The following STK33 variants were observed in gnomAD, a reference collection of about 807,000 sequenced individuals.
STK33 encodes serine/threonine-protein kinase 33.
STK33 carries 52 observed loss-of-function variants against 58.0 expected under a neutral mutation model. The ratio of observed to expected loss-of-function variants is 0.90; its 90% CI spans 0.72 to 1.13. The LOEUF (loss-of-function observed/expected upper bound fraction) is 1.13, where lower values mean the gene tolerates loss of function less well. Among genes scored for constraint, STK33 ranks in the 50% most tolerant of loss-of-function variants. The pLI, the probability that STK33 is intolerant of heterozygous loss-of-function variation, is 0.00. For synonymous variants in STK33, 215 were observed against 200.1 expected, an observed-to-expected ratio of 1.07 and a Z score of -0.63; for missense variants, 630 against 604.2, an observed-to-expected ratio of 1.04 and a Z score of -0.45.
At chr11:8,433,564 G>A (rs1943667893) in intron 14 of STK33, among the ~76,000 whole-genome samples, 1 of 152,064 alleles carries the variant, frequency 6.6e-6, no homozygotes, top group Admixed American at 6.6e-5. Flanking sequence ...CCACTTGGAT[G>A]CCACATAAGC....
At chr11:8,355,962 C>A in the STK33 span, among the ~76,000 whole-genome samples, 1 of 152,156 alleles carries the variant, frequency 6.6e-6, no homozygotes, top group Non-Finnish European at 1.5e-5. Flanking sequence ...AGGCTGCAGA[C>A]CTGACAAATG....
At chr11:8,350,333 G>C in the STK33 span, among the ~76,000 whole-genome samples, 1,667 of 152,314 alleles carry the variant, frequency 0.011, 16 homozygotes, top group Non-Finnish European at 0.019. Flanking sequence ...GAGAAATTGA[G>C]GGGAGAGCAA....
chr11:8,519,971 A>G (rs1317827517), intron 1 of STK33, among the ~76,000 whole-genome samples: 1 of 152,116 alleles, frequency 6.6e-6, no homozygotes, highest in Non-Finnish European at 1.5e-5. Context: ...GAAAAAGAGA[A>G]AATCCTCCCT....
At chr11:8,539,702 A>G (rs1422925616) in intron 1 of STK33, among the ~76,000 whole-genome samples, 1 of 152,206 alleles carries the variant, frequency 6.6e-6, no homozygotes, top group Non-Finnish European at 1.5e-5. Context: ...CTGATGCAAT[A>G]ATTACTTGGC....
At chr11:8,510,264 A>G (rs562791262) in intron 1 of STK33, among the ~76,000 whole-genome samples, 9 of 152,192 alleles carry the variant, frequency 5.9e-5, no homozygotes, top group Admixed American at 1.3e-4. Flanking sequence ...GATGTTGAGC[A>G]TTTTTCATAA....
chr11:8,488,048 A>T (rs966786549), intron 1 of STK33, among the ~76,000 whole-genome samples: 4 of 152,174 alleles, frequency 2.6e-5, no homozygotes, highest in African/African-American at 9.7e-5. Context: ...GGAGAAAGGA[A>T]AATGGAGCTA....
At chr11:8,404,882 T>C (rs1938813353) in intron 15 of STK33, among the ~76,000 whole-genome samples, 1 of 152,232 alleles carries the variant, frequency 6.6e-6, no homozygotes. Context: ...GGCTCACGCC[T>C]GTAATCCCAG....
intron 15 of STK33, among the ~76,000 whole-genome samples, chr11:8,408,681 A>G (rs1034199930): frequency 1.3e-5 from 2 of 152,216 alleles, no homozygotes; most frequent in East Asian, 1.9e-4. Context: ...CCCAGGTTCA[A>G]TGAGTCACTG....
the STK33 span, among the ~76,000 whole-genome samples, chr11:8,361,024 G>T: frequency 6.6e-6 from 1 of 152,304 alleles, no homozygotes; most frequent in South Asian, 2.1e-4. The surrounding 1 kb of genome is among the most constrained non-coding windows in gnomAD (Gnocchi z 4.8). Context: ...ATCTTGGGGG[G>T]TCACCTTTAC....
intron 14 of STK33, among the ~76,000 whole-genome samples, chr11:8,422,240 T>A (rs1195295954): frequency 6.6e-6 from 1 of 152,156 alleles, no homozygotes; most frequent in Admixed American, 6.5e-5. Context: ...TTTCCTTTAA[T>A]ATATTAATGT....
chr11:8,559,197 G>C (rs1956964044), intron 1 of STK33, among the ~76,000 whole-genome samples: 1 of 152,094 alleles, frequency 6.6e-6, no homozygotes, highest in African/African-American at 2.4e-5. Flanking sequence ...AGGAATACAG[G>C]ATCTTCTCCT....
At chr11:8,482,896 A>AT (rs1250862664) in intron 1 of STK33, among the ~76,000 whole-genome samples, 1 of 151,238 alleles carries the variant, frequency 6.6e-6, no homozygotes, top group African/African-American at 2.4e-5. Context: ...CGCCCAGCTA[A>AT]TTTTTTTGTA....
chr11:8,482,078 C>T (rs530282354), intron 1 of STK33, among the ~76,000 whole-genome samples: 1 of 152,264 alleles, frequency 6.6e-6, no homozygotes, highest in East Asian at 1.9e-4. Context: ...CACGTAATTT[C>T]AAGTAAGAAT....
At chr11:8,586,405 A>C (rs960009283) in intron 1 of STK33, among the ~76,000 whole-genome samples, 1 of 151,954 alleles carries the variant, frequency 6.6e-6, no homozygotes, top group Non-Finnish European at 1.5e-5. Flanking sequence ...CTTCTGCCTC[A>C]GCTTCCTCTT....
At chr11:8,559,595 T>C (rs1419297084) in intron 1 of STK33, among the ~76,000 whole-genome samples, 2 of 152,242 alleles carry the variant, frequency 1.3e-5, no homozygotes, top group African/African-American at 4.8e-5. Flanking sequence ...TTTGTTTTAC[T>C]ATTCTACCCC....
intron 15 of STK33, 104 bp from the exon 16 acceptor site, chr11:8,392,814 C>T: frequency 8.9e-7 from 1 of 1,122,446 alleles, no homozygotes; most frequent in Non-Finnish European, 1.3e-6. Context: ...AGTTGGAGCC[C>T]TCTCTAGATA....
At chr11:8,334,869 T>C in the STK33 span, among the ~76,000 whole-genome samples, 6 of 152,100 alleles carry the variant, frequency 3.9e-5, no homozygotes, top group Admixed American at 3.3e-4. Flanking sequence ...ACACACTCCT[T>C]CAATGTGTAG....
At chr11:8,426,512 A>C (rs1942784249) in intron 14 of STK33, among the ~76,000 whole-genome samples, 1 of 152,170 alleles carries the variant, frequency 6.6e-6, no homozygotes, top group African/African-American at 2.4e-5. Flanking sequence ...AGCCCTAGCC[A>C]GGGACTATGC....
chr11:8,377,349 T>A, the STK33 span, among the ~76,000 whole-genome samples: 1 of 152,148 alleles, frequency 6.6e-6, no homozygotes, highest in Non-Finnish European at 1.5e-5. Flanking sequence ...ATATATCATA[T>A]AAACATAATT....
Sources: gnomAD v4.1 joint callset for allele counts (sites outside exome capture counted in the v4.1 genomes callset) on GRCh38, gnomAD v4.1.1 for gene constraint, Gnocchi (gnomAD v3.1) non-coding constraint, MANE v1.5 for transcripts, NCBI Gene and HGNC (gene_info 2026-07-23, HGNC 2026-07-21) for gene names.